The following TRPM3 variants were observed in gnomAD, a reference collection of about 807,000 sequenced individuals.
The protein encoded by TRPM3 is long transient receptor potential channel 3.
A neutral mutation model predicts 181.2 loss-of-function variants in TRPM3; 77 were observed. That is an observed-to-expected ratio of 0.42 (90% CI 0.35 to 0.51). The LOEUF (loss-of-function observed/expected upper bound fraction) is 0.51. Among genes scored for constraint, TRPM3 ranks in the 20% least tolerant of loss-of-function variants. TRPM3 has a pLI of 0.01. For synonymous variants in TRPM3, 745 were observed against 796.4 expected (o/e 0.94, Z 1.09); for missense variants, 1,759 against 2,196.7 (o/e 0.80, Z 3.98).
chr9:71,169,500 T>C (rs1240595311), intron 1 of TRPM3, among the ~76,000 whole-genome samples: 1 of 152,148 alleles, frequency 6.6e-6, no homozygotes, highest in Non-Finnish European at 1.5e-5. Flanking sequence ...TTGAAAACTA[T>C]GTCTTGATAG....
At chr9:71,284,783 C>G (rs951983126) in intron 1 of TRPM3, among the ~76,000 whole-genome samples, 2 of 152,140 alleles carry the variant, frequency 1.3e-5, no homozygotes, top group Non-Finnish European at 1.5e-5. Context: ...TTCTACATTA[C>G]TTAGTCTATA....
intron 6 of TRPM3, among the ~76,000 whole-genome samples, chr9:70,786,311 CAAAA>C (rs71367227): frequency 1.3e-4 from 7 of 54,458 alleles, no homozygotes; most frequent in African/African-American, 4.2e-4. Context: ...CTAAAAATAC[CAAAA>C]AAAAAAAAAA....
chr9:70,861,967 GAGAC>G (rs1375895406), intron 3 of TRPM3, among the ~76,000 whole-genome samples: 1 of 151,974 alleles, frequency 6.6e-6, no homozygotes, highest in Non-Finnish European at 1.5e-5. Context: ...GAAGAGGAGA[GAGAC>G]AGGGAAGGGA....
intron 8 of TRPM3, among the ~76,000 whole-genome samples, chr9:70,698,947 C>T (rs2071510063): frequency 6.6e-6 from 1 of 152,150 alleles, no homozygotes; most frequent in Non-Finnish European, 1.5e-5. Context: ...GCCAATTAAA[C>T]CTCTGTTCTT....
At position 70,597,224 on chromosome 9, in the gene TRPM3, T is replaced by C. The variant is rs572324377; in HGVS notation, c.3048+1195A>G. Among the ~76,000 whole-genome samples the C allele has an allele frequency of 2.0e-5, 3 of 152,262 alleles. No homozygotes were observed. In the South Asian group the frequency reaches 6.2e-4, roughly 32 times the overall value. On this transcript the variant is annotated intron_variant, in intron 21 of 25. Transcript: ENST00000677713. ...CTAGGATTACAGGTGTGAGCCACCA[T>C]GCCCGGCCCTAATTTTTCATTAGTT...
intron 1 of TRPM3, among the ~76,000 whole-genome samples, chr9:71,418,308 G>T (rs1359178312): frequency 1.3e-5 from 2 of 151,866 alleles, no homozygotes; most frequent in African/African-American, 4.8e-5. Context: ...TCTCCAGGAG[G>T]TTCAAGAACC....
chr9:70,575,577 A>G (rs2053718234), intron 22 of TRPM3, among the ~76,000 whole-genome samples: 1 of 152,150 alleles, frequency 6.6e-6, no homozygotes, highest in Non-Finnish European at 1.5e-5. Flanking sequence ...CAAAAACAAT[A>G]ATATGCATGA....
chr9:70,868,989 A>G, intron 1 of TRPM3: 2 of 985,096 alleles, frequency 2.0e-6, no homozygotes, highest in South Asian at 4.7e-5. Flanking sequence ...ATTTTACCTG[A>G]GCACTGATTC....
At chr9:70,631,011 C>A (rs994176237) in intron 12 of TRPM3, among the ~76,000 whole-genome samples, 2 of 152,172 alleles carry the variant, frequency 1.3e-5, no homozygotes, top group Admixed American at 1.3e-4. Flanking sequence ...TCCTTTGAAA[C>A]TCATAACAAG....
intron 1 of TRPM3, among the ~76,000 whole-genome samples, chr9:71,268,209 T>G (rs954248358): frequency 2.6e-5 from 4 of 151,674 alleles, no homozygotes; most frequent in Admixed American, 2.6e-4. Context: ...GGTGAAACAA[T>G]GCCCTACTAA....
At chr9:71,087,693 G>A (rs2065507289) in intron 1 of TRPM3, among the ~76,000 whole-genome samples, 1 of 152,130 alleles carries the variant, frequency 6.6e-6, no homozygotes, top group Non-Finnish European at 1.5e-5. Context: ...GGAAGAAGCA[G>A]TACAAGTTTA....
intron 9 of TRPM3, among the ~76,000 whole-genome samples, chr9:70,669,048 A>G (rs2062412521): frequency 6.6e-6 from 1 of 152,208 alleles, no homozygotes; most frequent in Non-Finnish European, 1.5e-5. Context: ...ATGAGCTCTG[A>G]TTCTGTGCCA....
chr9:70,846,251 G>A (rs1233179797), intron 4 of TRPM3, 127 bp downstream of exon 4: 1 of 826,940 alleles, frequency 1.2e-6, no homozygotes, highest in Non-Finnish European at 2.0e-6. Context: ...GTGATAACCA[G>A]CAACTATGGA....
At chr9:70,833,521 C>G (rs118083515) in intron 5 of TRPM3, among the ~76,000 whole-genome samples, 2 of 152,208 alleles carry the variant, frequency 1.3e-5, no homozygotes, top group East Asian at 3.9e-4. Context: ...CAAGGATTAA[C>G]CCATTGACGG....
intron 1 of TRPM3, among the ~76,000 whole-genome samples, chr9:71,426,686 T>C (rs1323801427): frequency 2.0e-5 from 3 of 152,182 alleles, no homozygotes; most frequent in Non-Finnish European, 4.4e-5. Flanking sequence ...ATTATACAGA[T>C]GCTTCACAGG....
intron 1 of TRPM3, among the ~76,000 whole-genome samples, chr9:71,010,932 TACAC>T (rs60869396): frequency 0.14 from 20,469 of 146,960 alleles, 1,555 homozygotes; most frequent in East Asian, 0.29. Flanking sequence ...CACACACACA[TACAC>T]ACACACACAC....
chr9:71,028,215 A>G (rs943335110), intron 1 of TRPM3, among the ~76,000 whole-genome samples: 30 of 152,218 alleles, frequency 2.0e-4, no homozygotes, highest in African/African-American at 6.8e-4. Flanking sequence ...CTACCAAAGT[A>G]AGCTTTATAA....
At chr9:71,162,755 A>G (rs2076341820) in intron 1 of TRPM3, among the ~76,000 whole-genome samples, 1 of 152,204 alleles carries the variant, frequency 6.6e-6, no homozygotes, top group Admixed American at 6.5e-5. Flanking sequence ...TTCTGGAGAG[A>G]TAAAGTGAAT....
intron 1 of TRPM3, among the ~76,000 whole-genome samples, chr9:71,361,304 A>G (rs2092134257): frequency 6.6e-6 from 1 of 152,206 alleles, no homozygotes; most frequent in Non-Finnish European, 1.5e-5. Flanking sequence ...ACTAATAAAT[A>G]TCTCAGGACA....
Sources: allele counts gnomAD v4.1 joint callset (sites outside exome capture counted in the v4.1 genomes callset), GRCh38; gene constraint gnomAD v4.1.1; transcripts MANE v1.5; gene names NCBI Gene and HGNC (gene_info 2026-07-23, HGNC 2026-07-21).